The following NBPF14 variants were observed in gnomAD, a reference collection of about 807,000 sequenced individuals.
The protein encoded by NBPF14 is NBPF member 14.
In NBPF14, 104 loss-of-function variants were observed where a neutral mutation model predicts 91.2. The observed-to-expected ratio is 1.14, with a 90% CI of 0.97 to 1.34. The LOEUF (loss-of-function observed/expected upper bound fraction) is 1.34, where lower values mean the gene tolerates loss of function less well. NBPF14 is among the 40% of genes most tolerant of loss of function. The pLI, the probability that NBPF14 is intolerant of heterozygous loss-of-function variation, is 0.00. For missense variants in NBPF14, 908 were observed against 783.0 expected (o/e 1.16, Z -1.91); for synonymous variants, 294 against 303.8 (o/e 0.97, Z 0.34).
At chr1:148,532,488 G>C (rs1170898925) in exon 71 of NBPF14, 1 of 148,808 alleles carries the variant, frequency 6.7e-6, no homozygotes, top group East Asian at 2.0e-4. Context: ...AGTCTAGCGG[G>C]TTAACAATTG....
At chr1:148,577,417 C>G (rs1311529612) in intron 14 of NBPF14, 62 bp from the exon 15 acceptor site, 4 of 658,424 alleles carry the variant, frequency 6.1e-6, no homozygotes, top group African/African-American at 3.7e-5. Context: ...ACAGCCCCAG[C>G]TAGATTTCAT....
chr1:148,559,776 C>T lies in NBPF14; in HGVS notation c.4729+17G>A. On this transcript the variant is annotated intron_variant, in intron 37 of 70. Coordinates refer to ENST00000619423, the Ensembl canonical transcript of NBPF14. ...AGACTCAGTGGATCCTTATCACCTT[C>T]ATAGAAAGGTACTCACCATCCATGT... is the stretch of plus-strand genomic sequence containing the variant. 2 of 1,409,958 alleles carry T rather than the reference C, an allele frequency of 1.4e-6. No individual in the cohort carries two copies. The highest frequency in any genetic ancestry group is 1.9e-6 in the Non-Finnish European group (2 of 1,037,546). 87.3% of individuals were successfully genotyped at this position (1,409,958 alleles called of 1,614,324 possible). A position where few individuals can be genotyped will look rare whatever the true frequency, so the allele number is the denominator to read the frequency against.
At chr1:148,578,790 G>C (rs1183755097) in intron 13 of NBPF14, among the ~76,000 whole-genome samples, 2 of 148,826 alleles carry the variant, frequency 1.3e-5, no homozygotes, top group African/African-American at 4.9e-5. Context: ...GTGCTACATA[G>C]TTTGGTGTGA....
At chr1:148,535,334 C>T (rs1274493727) in intron 68 of NBPF14, 119 bp downstream of exon 68, 1 of 592,840 alleles carries the variant, frequency 1.7e-6, no homozygotes, top group Non-Finnish European at 2.9e-6. Flanking sequence ...ACAGCAATGT[C>T]AGTAGGAGTA....
chr1:148,561,424 A>T, exon 35 of NBPF14: 1 of 323,278 alleles, frequency 3.1e-6, no homozygotes, highest in South Asian at 2.4e-5. Flanking sequence ...GTCAAGAGAA[A>T]AGCCAACATG....
chr1:148,591,364 G>C (rs1662446266), intron 5 of NBPF14, 68 bp downstream of exon 5: 1 of 1,475,758 alleles, frequency 6.8e-7, no homozygotes, highest in South Asian at 1.1e-5. Context: ...AGATGCCAGA[G>C]AGGGTGTGCC....
At chr1:148,579,780 G>A (rs1210098580) in intron 12 of NBPF14, among the ~76,000 whole-genome samples, 2 of 152,112 alleles carry the variant, frequency 1.3e-5, no homozygotes, top group Non-Finnish European at 2.9e-5. Flanking sequence ...GGAGAGAATA[G>A]GCAACACCAA....
At chr1:148,577,236 C>T (rs1476300040) in exon 15 of NBPF14, 3 of 677,780 alleles carry the variant, frequency 4.4e-6, no homozygotes, top group Middle Eastern at 3.9e-4. Flanking sequence ...ATAAAAGGCA[C>T]TTCTGTAGGG....
rs1179446616 is a variant in NBPF14, at chr1:148,561,776, GACAC to G, written c.4275-201_4275-198del. ...AAAGAATGAAAGAGAAAGACAGATA[GACAC>G]ACACACACACACACACACACAAACA... On this transcript the variant is annotated intron_variant, in intron 34 of 70. Coordinates refer to ENST00000619423, the Ensembl canonical transcript of NBPF14. 5.4e-4 allele frequency among the ~76,000 whole-genome samples: 62 copies of G among 114,304 alleles called. 4 individuals carry two copies. The highest frequency in any genetic ancestry group is 2.3e-3 in the African/African-American group (42 of 18,282). The allele number at this position is 114,304 out of a possible 152,430, so 75.0% of individuals were successfully genotyped here. A position where few individuals can be genotyped will look rare whatever the true frequency, so the allele number is the denominator to read the frequency against.
intron 37 of NBPF14, among the ~76,000 whole-genome samples, 189 bp from the exon 38 acceptor site, chr1:148,559,261 C>T (rs1657147334): frequency 9.1e-6 from 1 of 110,272 alleles, no homozygotes; most frequent in Non-Finnish European, 1.7e-5. Context: ...GTCCCAGAAA[C>T]TGTGGGTAAA....
intron 28 of NBPF14, 61 bp from the exon 29 acceptor site, chr1:148,566,376 A>T: frequency 2.7e-6 from 2 of 744,262 alleles, no homozygotes; most frequent in Non-Finnish European, 4.9e-6. Flanking sequence ...CAGAGCCTCA[A>T]CTAGGTTTCA....
At chr1:148,559,958 T>G (rs1285921997) in exon 37 of NBPF14, 3 of 1,365,634 alleles carry the variant, frequency 2.2e-6, no homozygotes, top group South Asian at 1.2e-5. Context: ...AGCAGCTCCC[T>G]GCTGAGCCTG....
chr1:148,595,335 AC>A (rs1368749273), intron 2 of NBPF14, among the ~76,000 whole-genome samples: 1 of 148,098 alleles, frequency 6.8e-6, no homozygotes, highest in Non-Finnish European at 1.5e-5. Context: ...CTCTAGTTCC[AC>A]CCCCATCTGA....
intron 34 of NBPF14, among the ~76,000 whole-genome samples, chr1:148,561,800 CA>C (rs1401887235): frequency 1.0e-5 from 1 of 96,798 alleles, no homozygotes; most frequent in Non-Finnish European, 2.3e-5. Context: ...CACACACACA[CA>C]AACACACACA....
At chr1:148,534,959 A>C (rs1466133880) in intron 68 of NBPF14, 103 bp from the exon 69 acceptor site, 1 of 742,950 alleles carries the variant, frequency 1.3e-6, no homozygotes, top group South Asian at 1.4e-5. Flanking sequence ...TAAAAAGAAA[A>C]AGGACAGATC....
At chr1:148,534,838 C>G in exon 69 of NBPF14, 2 of 1,066,944 alleles carry the variant, frequency 1.9e-6, no homozygotes, top group Non-Finnish European at 2.9e-6. Context: ...CTTTCTCATC[C>G]AGCAGCTCCC....
chr1:148,572,623 A>C lies in NBPF14; in HGVS notation c.2586-8T>G, dbSNP rs1659262156. The C allele has an allele frequency of 7.0e-6, 4 of 572,438 alleles. No individual in the cohort carries two copies. Among genetic ancestry groups the C allele is most frequent in the African/African-American group, 3.1e-5 (1 of 32,314 alleles). 35.5% of individuals were successfully genotyped at this position (572,438 alleles called of 1,614,324 possible). On this transcript the variant is annotated splice_region_variant and splice_polypyrimidine_tract_variant and intron_variant, in intron 20 of 70. Coordinates refer to ENST00000619423, the Ensembl canonical transcript of NBPF14. The stretch of plus-strand genomic sequence containing the variant: ...AGCAGCTCCCTGCTGAGCCTGGAAA[A>C]GTGGGAAAAAGTAAAGAATAAGCCA...
Position 148,533,841 on chromosome 1 carries a change from C to A in NBPF14, c.8723+20G>T, listed in dbSNP as rs1335122890. On this transcript the variant is annotated intron_variant, in intron 70 of 70. Transcript: ENST00000619423. ...CAGGAGTTAACACAGAACTAAGGAT[C>A]CACAATTGCTGAAAGTCACCTGGGG... The A allele has an allele frequency of 5.9e-5, 45 of 766,154 alleles. No homozygotes were observed. In the East Asian group the frequency reaches 9.2e-4, roughly 16 times the overall value. 47.5% of individuals were successfully genotyped at this position (766,154 alleles called of 1,614,324 possible).
At chr1:148,559,822 T>C in exon 37 of NBPF14, 6 of 1,535,992 alleles carry the variant, frequency 3.9e-6, no homozygotes, top group Non-Finnish European at 5.2e-6. Flanking sequence ...GCCAACACGC[T>C]GCTGCTCCAA....
Sources: gnomAD v4.1 joint callset for allele counts (sites outside exome capture counted in the v4.1 genomes callset) on GRCh38, gnomAD v4.1.1 for gene constraint, MANE v1.5 for transcripts, NCBI Gene and HGNC (gene_info 2026-07-23, HGNC 2026-07-21) for gene names.